The following ARHGAP29 variants were observed in gnomAD, a reference collection of about 807,000 sequenced individuals.
The protein encoded by ARHGAP29 is Rho GTPase activating protein 29, also known as rho GTPase-activating protein 29.
A neutral mutation model predicts 122.6 loss-of-function variants in ARHGAP29; 43 were observed. The observed-to-expected ratio is 0.35, with a 90% CI of 0.27 to 0.45. The LOEUF (loss-of-function observed/expected upper bound fraction) is 0.45, where lower values mean the gene tolerates loss of function less well. Ranked by LOEUF, ARHGAP29 falls within the 20% of genes least tolerant of loss-of-function variation. The pLI, the probability that ARHGAP29 is intolerant of heterozygous loss-of-function variation, is 1.00. For synonymous variants in ARHGAP29, 506 were observed against 497.1 expected, an observed-to-expected ratio of 1.02 and a Z score of -0.24; for missense variants, 1,303 against 1,477.2, an observed-to-expected ratio of 0.88 and a Z score of 1.93.
chr1:94,296,973 A>G, the ARHGAP29 span, among the ~76,000 whole-genome samples: 2 of 152,218 alleles, frequency 1.3e-5, no homozygotes, highest in East Asian at 3.9e-4. Flanking sequence ...GTCTGTGAAG[A>G]CATCTATTGA....
intron 20 of ARHGAP29, among the ~76,000 whole-genome samples, chr1:94,178,756 G>A (rs1292598762): frequency 6.6e-6 from 1 of 152,202 alleles, no homozygotes. Flanking sequence ...GGGTACTGAA[G>A]GAAGATGGTC....
chr1:94,307,728 G>GA, the ARHGAP29 span, among the ~76,000 whole-genome samples: 1 of 151,778 alleles, frequency 6.6e-6, no homozygotes, highest in Non-Finnish European at 1.5e-5. Flanking sequence ...CTATCCATTT[G>GA]AAAAAAATAA....
At chr1:94,229,625 T>C (rs2101609532) in intron 2 of ARHGAP29, among the ~76,000 whole-genome samples, 1 of 151,890 alleles carries the variant, frequency 6.6e-6, no homozygotes, top group South Asian at 2.1e-4. Flanking sequence ...GGCCATAAAT[T>C]GCAAACTTTT....
At chr1:94,266,125 C>A (rs762208231) in intron 1 of ARHGAP29, among the ~76,000 whole-genome samples, 2 of 152,060 alleles carry the variant, frequency 1.3e-5, no homozygotes, top group South Asian at 4.2e-4. Flanking sequence ...AGGGTTCAGG[C>A]GATTAGAATA....
At chr1:94,212,451 T>A (rs943780094) in intron 3 of ARHGAP29, among the ~76,000 whole-genome samples, 1 of 152,184 alleles carries the variant, frequency 6.6e-6, no homozygotes, top group Non-Finnish European at 1.5e-5. Context: ...TAAAAATACA[T>A]TGTAGACTTT....
At chr1:94,221,159 T>C (rs913528336) in intron 2 of ARHGAP29, among the ~76,000 whole-genome samples, 18 of 152,176 alleles carry the variant, frequency 1.2e-4, no homozygotes, top group Non-Finnish European at 1.5e-5. Context: ...AAAATACTTT[T>C]GCTAGTGGAA....
In ARHGAP29 at chr1:94,190,091, C is replaced by G; in HGVS notation, c.1282-8G>C. On this transcript the variant is annotated splice_region_variant and splice_polypyrimidine_tract_variant and intron_variant, in intron 12 of 22. Transcript: ENST00000260526. The stretch of plus-strand genomic sequence containing the variant: ...GAAGAGGTTAACTGTTACCTATGGA[C>G]CCAGAGACAAAAGGCAGAGTAACTC... The G allele has an allele frequency of 4.3e-6, 7 of 1,611,640 alleles. No homozygotes were observed. The highest frequency in any genetic ancestry group is 5.9e-6 in the Non-Finnish European group (7 of 1,178,796).
At chr1:94,253,651 C>CGCACGCAT in intron 1 of ARHGAP29, among the ~76,000 whole-genome samples, 1 of 151,724 alleles carries the variant, frequency 6.6e-6, no homozygotes, top group Non-Finnish European at 1.5e-5. Context: ...CACGCACGCA[C>CGCACGCAT]GCACGCACGC....
intron 1 of ARHGAP29, among the ~76,000 whole-genome samples, chr1:94,259,618 C>T (rs564296967): frequency 6.6e-6 from 1 of 152,144 alleles, no homozygotes; most frequent in Non-Finnish European, 1.5e-5. Flanking sequence ...ACCTGTAAGC[C>T]GAGGAACACC....
rs1396115035 is a variant in ARHGAP29 at position 94,173,573 on chromosome 1, G to A, written c.*296C>T. The A allele has an allele frequency of 3.5e-6, 1 of 286,114 alleles. No individual in the cohort carries two copies. The highest frequency in any genetic ancestry group is 6.6e-6 in the Non-Finnish European group (1 of 151,714). 17.7% of individuals were successfully genotyped at this position (286,114 alleles called of 1,614,324 possible). ...TCATATATTAGGGATGCATTCAAAT[G>A]GACCATTTGGTGGGGAAAGTCAACT... On this transcript the variant is annotated 3_prime_UTR_variant, in exon 23 of 23. Coordinates refer to ENST00000260526, the MANE Select transcript of ARHGAP29 (RefSeq NM_004815.4).
the ARHGAP29 span, among the ~76,000 whole-genome samples, chr1:94,304,787 C>G: frequency 6.6e-6 from 1 of 152,150 alleles, no homozygotes; most frequent in Middle Eastern, 3.2e-3. Flanking sequence ...TTAAGAAAAG[C>G]ATGTATTATT....
upstream of ARHGAP29, chr1:94,237,677 C>A (rs1267969568): frequency 1.9e-5 from 19 of 985,310 alleles, no homozygotes; most frequent in Non-Finnish European, 2.3e-5. Flanking sequence ...CCCGCGCTCC[C>A]GGGGGCGGGG....
At chr1:94,258,226 C>G (rs1433881232) in intron 1 of ARHGAP29, among the ~76,000 whole-genome samples, 1 of 152,062 alleles carries the variant, frequency 6.6e-6, no homozygotes, top group African/African-American at 2.4e-5. Flanking sequence ...ATTGATAGAC[C>G]CTTCTCTCAC....
At chr1:94,308,664 C>T in the ARHGAP29 span, among the ~76,000 whole-genome samples, 1 of 152,188 alleles carries the variant, frequency 6.6e-6, no homozygotes, top group South Asian at 2.1e-4. Context: ...ACCTCTTAGT[C>T]CAGCCACTGC....
At chr1:94,175,397 A>G (rs1649027113) in intron 22 of ARHGAP29, among the ~76,000 whole-genome samples, 1 of 152,160 alleles carries the variant, frequency 6.6e-6, no homozygotes, top group Non-Finnish European at 1.5e-5. Context: ...CAGTTCCTGC[A>G]TCTATCCTAA....
intron 5 of ARHGAP29, 94 bp downstream of exon 5, chr1:94,208,738 G>T: frequency 1.6e-6 from 2 of 1,249,674 alleles, no homozygotes; most frequent in Non-Finnish European, 2.3e-6. Context: ...GGGATTACAG[G>T]TATGAGCCAC....
intron 3 of ARHGAP29, 89 bp downstream of exon 3, chr1:94,220,169 G>T: frequency 7.2e-7 from 1 of 1,384,636 alleles, no homozygotes. Flanking sequence ...TGCAATGAGA[G>T]GAATTGGCTA....
At chr1:94,284,741 T>C in the ARHGAP29 span, among the ~76,000 whole-genome samples, 1 of 152,230 alleles carries the variant, frequency 6.6e-6, no homozygotes, top group African/African-American at 2.4e-5. Flanking sequence ...CGAGATTGTT[T>C]GTTTCTATAA....
At chr1:94,208,712 G>A (rs1018762085) in intron 5 of ARHGAP29, 120 bp downstream of exon 5, 4 of 872,134 alleles carry the variant, frequency 4.6e-6, no homozygotes, top group Non-Finnish European at 3.6e-6. Flanking sequence ...CGCCCACCTC[G>A]GCCTCCCAAA....
Sources: allele counts gnomAD v4.1 joint callset (sites outside exome capture counted in the v4.1 genomes callset), GRCh38; gene constraint gnomAD v4.1.1; transcripts MANE v1.5; gene names NCBI Gene and HGNC (gene_info 2026-07-23, HGNC 2026-07-21).